DDI2: variants seen among roughly 807,000 people sequenced by gnomAD.
DDI2 encodes protein DDI1 homolog 2.
In DDI2, 5 loss-of-function variants were observed where a neutral mutation model predicts 48.1. The observed-to-expected ratio is 0.10, with a 90% CI of 0.05 to 0.22. The LOEUF (loss-of-function observed/expected upper bound fraction) is 0.22, where lower values mean the gene tolerates loss of function less well. Ranked by LOEUF, DDI2 falls within the 10% of genes least tolerant of loss-of-function variation. DDI2 has a pLI of 1.00. For missense variants in DDI2, 285 were observed against 506.2 expected (o/e 0.56, Z 4.19); for synonymous variants, 205 against 183.6 (o/e 1.12, Z -0.94).
At chr1:15,619,361 A>G (rs1417392434) in intron 1 of DDI2, among the ~76,000 whole-genome samples, 9 of 151,806 alleles carry the variant, frequency 5.9e-5, no homozygotes, top group Admixed American at 5.3e-4. Flanking sequence ...CCTGACCTCT[A>G]GTGATCTGCC....
intron 1 of DDI2, among the ~76,000 whole-genome samples, chr1:15,619,686 C>A (rs918471560): frequency 1.3e-5 from 2 of 152,012 alleles, no homozygotes; most frequent in Admixed American, 1.3e-4. Context: ...TGGTCTCGAT[C>A]TCCTGACCTC....
At chr1:15,639,967 T>C (rs1639981826) in intron 5 of DDI2, among the ~76,000 whole-genome samples, 1 of 151,552 alleles carries the variant, frequency 6.6e-6, no homozygotes, top group Non-Finnish European at 1.5e-5. Context: ...TGCAGTGAGC[T>C]GTGATTGTGC....
chr1:15,655,838 T>A (rs567940272), intron 8 of DDI2, among the ~76,000 whole-genome samples: 3 of 151,786 alleles, frequency 2.0e-5, no homozygotes, highest in African/African-American at 7.3e-5. Context: ...GGTGGAAAGA[T>A]CACTTGATCC....
At chr1:15,658,337 A>G (rs932175302) in intron 9 of DDI2, among the ~76,000 whole-genome samples, 5 of 151,636 alleles carry the variant, frequency 3.3e-5, no homozygotes, top group African/African-American at 7.3e-5. Flanking sequence ...TTTAGTAGAG[A>G]TGAGGTTTCA....
At chr1:15,632,936 A>ATTT (rs1557614994) in intron 3 of DDI2, among the ~76,000 whole-genome samples, 1 of 122,330 alleles carries the variant, frequency 8.2e-6, no homozygotes, top group African/African-American at 3.2e-5. Flanking sequence ...TTTTTTAAAA[A>ATTT]AAAAAAAACA....
chr1:15,631,471 T>C lies in DDI2; in HGVS notation c.505+910T>C, dbSNP rs12036683. Among the ~76,000 whole-genome samples the C allele has an allele frequency of 3.3e-4, 51 of 152,360 alleles. No individual in the cohort carries two copies. In the East Asian group the frequency reaches 8.9e-3, roughly 27 times the overall value. ...TCTCTGTAAATTACTCTCATTTTAC[T>C]CTTGGGTTTATGAGTTAAATTGGGT... On this transcript the variant is annotated intron_variant, in intron 3 of 9. Transcript: ENST00000480945.
rs144603971 is a variant in DDI2 at position 15,632,275 on chromosome 1, A to G, written c.506-1164A>G. The stretch of plus-strand genomic sequence containing the variant: ...AGTTTGCACACTTAAATGTACCACC[A>G]TTTAAGAAATTGCAAAATAGGCCGG... On this transcript the variant is annotated intron_variant, in intron 3 of 9. Coordinates refer to ENST00000480945, the MANE Select transcript of DDI2 (RefSeq NM_032341.5). 2.4e-4 allele frequency among the ~76,000 whole-genome samples: 37 copies of G among 152,266 alleles called. No homozygotes were observed. In the East Asian group the frequency reaches 6.2e-3, roughly 25 times the overall value.
At chr1:15,639,015 A>G (rs962454474) in intron 5 of DDI2, among the ~76,000 whole-genome samples, 1 of 152,176 alleles carries the variant, frequency 6.6e-6, no homozygotes, top group African/African-American at 2.4e-5. Context: ...AGAAGGAGCT[A>G]TAAAAGGAGC....
At chr1:15,631,132 C>T (rs1639837539) in intron 3 of DDI2, among the ~76,000 whole-genome samples, 1 of 151,726 alleles carries the variant, frequency 6.6e-6, no homozygotes, top group African/African-American at 2.4e-5. Flanking sequence ...TGTGAGCCAC[C>T]ATGCCCAGCC....
chr1:15,652,333 C>T (rs1028617055), intron 8 of DDI2, among the ~76,000 whole-genome samples: 2 of 150,996 alleles, frequency 1.3e-5, no homozygotes, highest in African/African-American at 4.9e-5. Context: ...GCTGGGATTA[C>T]AGGTGTGAGC....
chr1:15,637,132 T>C (rs780384814), intron 4 of DDI2, among the ~76,000 whole-genome samples: 6 of 152,224 alleles, frequency 3.9e-5, no homozygotes, highest in Non-Finnish European at 8.8e-5. Context: ...AAATTGGGAA[T>C]AAACATGAGA....
At chr1:15,659,538 A>G (rs980037555) in intron 9 of DDI2, among the ~76,000 whole-genome samples, 1 of 152,152 alleles carries the variant, frequency 6.6e-6, no homozygotes, top group African/African-American at 2.4e-5. Flanking sequence ...AGAAACATAA[A>G]TGTCCTTCAT....
At chr1:15,637,431 G>T (rs909226540) in intron 4 of DDI2, among the ~76,000 whole-genome samples, 1 of 152,118 alleles carries the variant, frequency 6.6e-6, no homozygotes, top group African/African-American at 2.4e-5. Context: ...GAGTGTAGTC[G>T]TGCGATCTTG....
At chr1:15,624,112 T>C (rs142139563) in intron 1 of DDI2, among the ~76,000 whole-genome samples, 319 of 152,316 alleles carry the variant, frequency 2.1e-3, no homozygotes, top group African/African-American at 7.4e-3. Flanking sequence ...AGACTGTTCA[T>C]GTATCTCTAA....
Position 15,666,786 on chromosome 1 carries a change from A to G in DDI2, c.*6996A>G, listed in dbSNP as rs1184952701. On this transcript the variant is annotated 3_prime_UTR_variant, in exon 10 of 10. Transcript: ENST00000480945. The stretch of plus-strand genomic sequence containing the variant: ...AATTTTAGCTTCAAAAGCAACATCT[A>G]TTTTTGCCTGTTAGCATGCATTTAT... 6.6e-6 allele frequency: 1 copy of G among 152,124 alleles called. No individual in the cohort carries two copies. Among genetic ancestry groups the G allele is most frequent in the African/African-American group, 2.4e-5 (1 of 41,430 alleles). 9.4% of individuals were successfully genotyped at this position (152,124 alleles called of 1,614,324 possible).
chr1:15,617,460 A>G lies in DDI2; in HGVS notation c.-211A>G, dbSNP rs1639579325. ...CCGTGGGAGGCAGGCCGGCAGGCAGACGGACTCGCAGGCGTGTGGCGGCGG... is the reference window on the plus strand; with the variant it reads ...CCGTGGGAGGCAGGCCGGCAGGCAGGCGGACTCGCAGGCGTGTGGCGGCGG... On this transcript the variant is annotated 5_prime_UTR_variant, in exon 1 of 10. Transcript: ENST00000480945. The G allele has an allele frequency of 3.1e-6, 1 of 319,562 alleles. No homozygotes were observed. Among genetic ancestry groups the G allele is most frequent in the East Asian group, 5.2e-5 (1 of 19,416 alleles). 19.8% of individuals were successfully genotyped at this position (319,562 alleles called of 1,614,324 possible). A position where few individuals can be genotyped will look rare whatever the true frequency, so the allele number is the denominator to read the frequency against.
chr1:15,624,906 G>GT (rs1639729127), intron 1 of DDI2, among the ~76,000 whole-genome samples: 1 of 152,078 alleles, frequency 6.6e-6, no homozygotes, highest in African/African-American at 2.4e-5. Flanking sequence ...TCTGAAATGT[G>GT]TTTTAACTCA....
chr1:15,635,935 T>C (rs753656736), intron 4 of DDI2, among the ~76,000 whole-genome samples: 109 of 152,344 alleles, frequency 7.2e-4, no homozygotes, highest in South Asian at 2.5e-3. Flanking sequence ...TATTAAAGTT[T>C]CATATGGCTT....
chr1:15,651,554 G>A, intron 7 of DDI2, 152 bp from the exon 8 acceptor site: 4 of 560,746 alleles, frequency 7.1e-6, no homozygotes, highest in South Asian at 5.9e-5. Context: ...CCTGACCTCA[G>A]GTGATCTGCC....
Sources: gnomAD v4.1 joint callset for allele counts (sites outside exome capture counted in the v4.1 genomes callset) on GRCh38, gnomAD v4.1.1 for gene constraint, MANE v1.5 for transcripts, NCBI Gene and HGNC (gene_info 2026-07-23, HGNC 2026-07-21) for gene names.